SASH1: variants seen among roughly 807,000 people sequenced by gnomAD.
SASH1 encodes SAM and SH3 domain containing 1.
SASH1 carries 44 observed loss-of-function variants against 125.2 expected under a neutral mutation model. That is an observed-to-expected ratio of 0.35 (90% CI 0.28 to 0.45). SASH1 has a LOEUF of 0.45. SASH1 is among the 20% of genes least tolerant of loss of function. SASH1 has a pLI of 1.00. For missense variants in SASH1, 1,426 were observed against 1,614.5 expected, an observed-to-expected ratio of 0.88 and a Z score of 2.00; for synonymous variants, 639 against 649.1, an observed-to-expected ratio of 0.98 and a Z score of 0.24.
At chr6:148,391,110 CTCTT>C (rs1436721202) in intron 2 of SASH1, among the ~76,000 whole-genome samples, 3 of 151,560 alleles carry the variant, frequency 2.0e-5, no homozygotes, top group African/African-American at 4.8e-5. Context: ...ACTAAAGACA[CTCTT>C]TTTTTTTTTT....
chr6:148,408,191 TC>T (rs1784457098), intron 2 of SASH1, among the ~76,000 whole-genome samples: 1 of 135,930 alleles, frequency 7.4e-6, no homozygotes, highest in South Asian at 2.5e-4. Flanking sequence ...CACTGCAACC[TC>T]CTACTCCTGG....
At chr6:148,386,005 G>A (rs992220219) in intron 1 of SASH1, among the ~76,000 whole-genome samples, 4 of 152,218 alleles carry the variant, frequency 2.6e-5, no homozygotes, top group African/African-American at 4.8e-5. Context: ...CTTGCTTCTG[G>A]CATCAGAAGT....
chr6:148,483,452 A>G (rs961521280), intron 7 of SASH1, among the ~76,000 whole-genome samples: 1 of 152,120 alleles, frequency 6.6e-6, no homozygotes, highest in Non-Finnish European at 1.5e-5. Context: ...AGACATCCAA[A>G]CTATATATAG....
chr6:148,439,546 A>AG (rs772810264), intron 2 of SASH1, among the ~76,000 whole-genome samples: 3 of 152,170 alleles, frequency 2.0e-5, no homozygotes, highest in Non-Finnish European at 4.4e-5. Context: ...TGGGAAGCTG[A>AG]GGGGGGCGGA....
the SASH1 span, among the ~76,000 whole-genome samples, chr6:148,208,216 C>T: frequency 6.6e-6 from 1 of 152,206 alleles, no homozygotes; most frequent in African/African-American, 2.4e-5. Context: ...TTTCTCTTCT[C>T]TAGCCACTTA....
intron 1 of SASH1, among the ~76,000 whole-genome samples, chr6:148,384,568 A>G (rs1783283839): frequency 6.6e-6 from 1 of 152,188 alleles, no homozygotes; most frequent in Non-Finnish European, 1.5e-5. Flanking sequence ...ATGCGATCCT[A>G]TGGAAACCTC....
intron 10 of SASH1, chr6:148,520,287 T>A (rs1780732668): frequency 5.4e-6 from 1 of 185,008 alleles, no homozygotes; most frequent in African/African-American, 2.4e-5. Context: ...CCTGAGGCGG[T>A]GCCTGCTGGA....
intron 8 of SASH1, among the ~76,000 whole-genome samples, chr6:148,507,586 G>A (rs1032198186): frequency 2.6e-5 from 4 of 152,112 alleles, no homozygotes; most frequent in African/African-American, 9.7e-5. Context: ...TCCCAGGCTG[G>A]TCTCGAACTC....
the SASH1 span, among the ~76,000 whole-genome samples, chr6:148,225,743 A>T: frequency 6.6e-6 from 1 of 152,366 alleles, no homozygotes; most frequent in Non-Finnish European, 1.5e-5. Context: ...TAAAATAAAA[A>T]TAAAGGTTGA....
intron 1 of SASH1, among the ~76,000 whole-genome samples, chr6:148,293,026 A>G (rs1429548096): frequency 1.3e-5 from 2 of 152,014 alleles, no homozygotes; most frequent in Middle Eastern, 3.4e-3. Flanking sequence ...ACTGTACTCC[A>G]GCCTGGGCAA....
chr6:148,240,679 C>T, the SASH1 span, among the ~76,000 whole-genome samples: 25 of 152,264 alleles, frequency 1.6e-4, no homozygotes, highest in African/African-American at 4.6e-4. Flanking sequence ...CAGGGCTCTG[C>T]GGGCCAAGAC....
intron 1 of SASH1, among the ~76,000 whole-genome samples, chr6:148,298,714 A>AAGGAAGGAAGG (rs1562312251): frequency 1.3e-5 from 1 of 77,090 alleles, no homozygotes; most frequent in Non-Finnish European, 2.6e-5. Flanking sequence ...AGGAAGGAAG[A>AAGGAAGGAAGG]AGGAAGGGAA....
intron 2 of SASH1, among the ~76,000 whole-genome samples, chr6:148,399,634 A>G (rs1477799324): frequency 1.3e-5 from 2 of 152,244 alleles, no homozygotes; most frequent in African/African-American, 4.8e-5. Flanking sequence ...AGTACTTGCC[A>G]AAAAGGAAAA....
intron 8 of SASH1, chr6:148,508,338 A>C (rs1147864): frequency 0.66 from 204,805 of 310,380 alleles, 68,184 homozygotes; most frequent in East Asian, 0.86. Flanking sequence ...AGAATGTCTG[A>C]AAAAGAGATC....
intron 1 of SASH1, among the ~76,000 whole-genome samples, chr6:148,345,053 A>G (rs1781479095): frequency 6.6e-6 from 1 of 152,144 alleles, no homozygotes; most frequent in South Asian, 2.1e-4. Context: ...CGCGCCCGAT[A>G]GACTGTTTTT....
chr6:148,398,724 C>T (rs576460685), intron 2 of SASH1, among the ~76,000 whole-genome samples: 132 of 152,250 alleles, frequency 8.7e-4, no homozygotes, highest in African/African-American at 2.7e-3. Context: ...TATTTGCTAG[C>T]TTTGGGCTAC....
the SASH1 span, among the ~76,000 whole-genome samples, chr6:148,201,060 G>A: frequency 1.3e-5 from 2 of 152,050 alleles, no homozygotes; most frequent in Admixed American, 6.5e-5. Context: ...CATCTACCAC[G>A]TAAATATGTG....
At chr6:148,448,334 A>G (rs143100273) in intron 4 of SASH1, among the ~76,000 whole-genome samples, 2 of 151,914 alleles carry the variant, frequency 1.3e-5, no homozygotes, top group East Asian at 1.9e-4. Context: ...CTTCCAGACT[A>G]TGTTTCTTTT....
chr6:148,303,595 G>A (rs1372994248), intron 1 of SASH1, among the ~76,000 whole-genome samples: 2 of 151,456 alleles, frequency 1.3e-5, no homozygotes, highest in African/African-American at 2.4e-5. Flanking sequence ...TCAGGAGTTC[G>A]AGACCAGCCT....
Sources: gnomAD v4.1 joint callset for allele counts (sites outside exome capture counted in the v4.1 genomes callset) on GRCh38, gnomAD v4.1.1 for gene constraint, MANE v1.5 for transcripts, NCBI Gene and HGNC (gene_info 2026-07-23, HGNC 2026-07-21) for gene names.